LMTK2: variants seen among roughly 807,000 people sequenced by gnomAD.
LMTK2 encodes the protein lemur tail kinase 2, also known as serine/threonine-protein kinase LMTK2.
In LMTK2, 37 loss-of-function variants were observed where a neutral mutation model predicts 127.5. That is an observed-to-expected ratio of 0.29 (90% CI 0.22 to 0.38). LMTK2 has a LOEUF of 0.38. LMTK2 is among the 10% of genes least tolerant of loss of function. The probability of loss-of-function intolerance (pLI) is 1.00; values close to 1 mark genes in which losing one functional copy is unlikely to be tolerated. For synonymous variants in LMTK2, 819 were observed against 810.1 expected (o/e 1.01, Z -0.19); for missense variants, 1,694 against 1,920.3 (o/e 0.88, Z 2.20).
At chr7:98,183,288 C>T (rs547669728) in intron 7 of LMTK2, among the ~76,000 whole-genome samples, 2 of 152,230 alleles carry the variant, frequency 1.3e-5, no homozygotes, top group Non-Finnish European at 2.9e-5. Flanking sequence ...TCTATTCTTT[C>T]TGAAGCCTGC....
intron 1 of LMTK2, among the ~76,000 whole-genome samples, chr7:98,108,343 T>C (rs1796148296): frequency 3.3e-5 from 5 of 152,178 alleles, no homozygotes; most frequent in Non-Finnish European, 7.4e-5. Context: ...AAGAGTTATT[T>C]TGGAATAATG....
At chr7:98,132,624 A>G (rs1796538066) in intron 1 of LMTK2, among the ~76,000 whole-genome samples, 1 of 152,120 alleles carries the variant, frequency 6.6e-6, no homozygotes, top group Non-Finnish European at 1.5e-5. Context: ...GACTTGAACC[A>G]CTGGGTAACC....
At position 98,203,590 on chromosome 7, in the gene LMTK2, A is replaced by G; in HGVS notation, c.4124A>G (p.Glu1375Gly). ...YLFDQETPTK[E>G]LGPCGGEACG... ...ACTTTTCAGGAGACCCCAACCAAAG[A>G]GCTGGGGCCCTGTGGAGGAGAGGCG... The change falls in exon 12 of 14, where the codon GAG becomes GGG. Residue 1375 changes from glutamate to glycine, a missense_variant. By Grantham distance (98) the Glu-to-Gly change is moderately conservative. This residue lies in a region of LMTK2 where 554 missense variants were observed against 567.7 expected (regional missense o/e 0.98). Coordinates refer to ENST00000297293, the MANE Select transcript of LMTK2 (RefSeq NM_014916.4). 6.3e-7 allele frequency: 1 copy of G among 1,593,798 alleles called. No homozygotes were observed. Among genetic ancestry groups the G allele is most frequent in the Non-Finnish European group, 8.5e-7 (1 of 1,174,284 alleles).
chr7:98,183,670 G>T (rs28828382), intron 7 of LMTK2, among the ~76,000 whole-genome samples: 8,792 of 152,112 alleles, frequency 0.058, 653 homozygotes, highest in East Asian at 0.36. Context: ...GATTACAAGT[G>T]TGATCCACCA....
chr7:98,179,808 C>T (rs1797327992), intron 7 of LMTK2, among the ~76,000 whole-genome samples: 1 of 152,168 alleles, frequency 6.6e-6, no homozygotes. Flanking sequence ...CACTTGTAAG[C>T]ACAAAGAGTG....
chr7:98,165,789 T>C (rs902722131), intron 6 of LMTK2, among the ~76,000 whole-genome samples: 13 of 152,008 alleles, frequency 8.6e-5, no homozygotes, highest in Non-Finnish European at 1.3e-4. Context: ...CACACCAAGA[T>C]GGATGACGTG....
At chr7:98,196,335 G>T (rs975235294) in intron 11 of LMTK2, among the ~76,000 whole-genome samples, 1 of 152,218 alleles carries the variant, frequency 6.6e-6, no homozygotes, top group Non-Finnish European at 1.5e-5. Context: ...AGCTCAGGGA[G>T]CCTGAGAAAA....
At chr7:98,107,640 G>A (rs1361186961) in intron 1 of LMTK2, among the ~76,000 whole-genome samples, 1 of 151,794 alleles carries the variant, frequency 6.6e-6, no homozygotes, top group African/African-American at 2.4e-5. Context: ...CTTTTTTTTC[G>A]CATCTCATAA....
intron 1 of LMTK2, among the ~76,000 whole-genome samples, chr7:98,115,135 C>G (rs1796258969): frequency 6.6e-6 from 1 of 152,176 alleles, no homozygotes; most frequent in Non-Finnish European, 1.5e-5. Flanking sequence ...AATGTACTGC[C>G]TGGGTACAGT....
At chr7:98,143,930 G>A (rs906574704) in intron 3 of LMTK2, among the ~76,000 whole-genome samples, 3 of 152,072 alleles carry the variant, frequency 2.0e-5, no homozygotes, top group Admixed American at 6.5e-5. Context: ...ATACAGTGGC[G>A]ATTTATGTGT....
rs764020168 is a variant in LMTK2, at chr7:98,154,783, G to A, written c.476G>A (p.Gly159Asp). ...GTTCTCTTGGGAGAGATTTACACGGGCACTAGCGTAGCAAGAGTCATCGTG... is the reference window on the plus strand; with the variant it reads ...GTTCTCTTGGGAGAGATTTACACGGACACTAGCGTAGCAAGAGTCATCGTG... ...GKVLLGEIYT[G>D]TSVARVIVKE... Residue 159 changes from glycine (G) to aspartate (D), a missense_variant, in exon 5 of 14, where the codon GGC becomes GAC. By Grantham distance (94) the Gly-to-Asp change is moderately conservative. This residue lies in a region of LMTK2 where 203 missense variants were observed against 226.2 expected (regional missense o/e 0.90). Transcript: ENST00000297293. 2 of 1,612,450 alleles carry A rather than the reference G, an allele frequency of 1.2e-6. No homozygotes were observed. Among genetic ancestry groups the A allele is most frequent in the Non-Finnish European group, 1.7e-6 (2 of 1,178,632 alleles).
chr7:98,191,662 G>T lies in LMTK2; in HGVS notation c.1197G>T (p.Ala399=). The change falls in exon 11 of 14, where the codon GCG becomes GCT. Residue 399 remains alanine, a synonymous_variant. Transcript: ENST00000297293. ...FCWLSPEKRP[A]AEDVHRLLTY... is the part of the protein sequence containing the mutation. ...GGCTGTCACCAGAAAAGAGACCCGC[G>T]GCTGAAGATGTGCACAGGCTGCTGA... 1 of 1,613,616 alleles carries T rather than the reference G, an allele frequency of 6.2e-7. No homozygotes were observed. Among genetic ancestry groups the T allele is most frequent in the Non-Finnish European group, 8.5e-7 (1 of 1,179,760 alleles).
chr7:98,125,084 A>G (rs1796424926), intron 1 of LMTK2, among the ~76,000 whole-genome samples: 1 of 151,822 alleles, frequency 6.6e-6, no homozygotes, highest in South Asian at 2.1e-4. Context: ...CGGGCGGATC[A>G]CGAGGTCAGG....
Position 98,192,922 on chromosome 7 carries a change from C to A in LMTK2, c.2457C>A (p.Ser819=), listed in dbSNP as rs995944831. 6.2e-7 allele frequency: 1 copy of A among 1,614,136 alleles called. No individual in the cohort carries two copies. The highest frequency in any genetic ancestry group is 1.7e-5 in the Admixed American group (1 of 60,020). The part of the protein sequence containing the change: ...SSPEVQVPPT[S]FETEETPRRV... ...CGGAAGTGCAGGTACCTCCTACCTC[C>A]TTCGAAACAGAAGAAACGCCCCGTC... Residue 819 remains serine, a synonymous_variant, in exon 11 of 14, where the codon TCC becomes TCA. Coordinates refer to ENST00000297293, the MANE Select transcript of LMTK2 (RefSeq NM_014916.4).
intron 3 of LMTK2, among the ~76,000 whole-genome samples, chr7:98,146,087 C>T (rs2172884): frequency 1 from 151,741 of 152,314 alleles, 75,589 homozygotes; most frequent in Middle Eastern, 1. Flanking sequence ...TTGAATTGTC[C>T]TGGAACCCTT....
intron 6 of LMTK2, among the ~76,000 whole-genome samples, chr7:98,165,593 C>T (rs766933671): frequency 6.6e-6 from 1 of 152,184 alleles, no homozygotes; most frequent in Non-Finnish European, 1.5e-5. Flanking sequence ...CTGGAATGAC[C>T]CGGCCCTGTG....
intron 1 of LMTK2, among the ~76,000 whole-genome samples, chr7:98,126,352 G>A (rs1402113981): frequency 6.6e-6 from 1 of 152,196 alleles, no homozygotes; most frequent in Non-Finnish European, 1.5e-5. Context: ...ATGGTTGTGG[G>A]GTTGAGCCCT....
chr7:98,151,161 C>A (rs1217456254), intron 3 of LMTK2, among the ~76,000 whole-genome samples: 1 of 152,000 alleles, frequency 6.6e-6, no homozygotes, highest in African/African-American at 2.4e-5. Context: ...GGAAAAAAAA[C>A]AATGCGCAAG....
chr7:98,175,149 C>T (rs1160156055), intron 7 of LMTK2, among the ~76,000 whole-genome samples: 1 of 152,086 alleles, frequency 6.6e-6, no homozygotes, highest in Non-Finnish European at 1.5e-5. Context: ...GTGCACATAC[C>T]GTGTGTGGTC....
Sources: allele counts gnomAD v4.1 joint callset (sites outside exome capture counted in the v4.1 genomes callset), GRCh38; gene constraint gnomAD v4.1.1; regional missense constraint gnomAD v4.1.1; transcripts MANE v1.5; gene names NCBI Gene and HGNC (gene_info 2026-07-23, HGNC 2026-07-21).